The following LRTM1 variants were observed in gnomAD, a reference collection of about 807,000 sequenced individuals.
The protein encoded by LRTM1 is leucine-rich repeat and transmembrane domain-containing protein 1.
Under a neutral mutation model 32.4 loss-of-function variants are expected in LRTM1, and 38 were observed. The ratio of observed to expected loss-of-function variants is 1.17; its 90% confidence interval spans 0.91 to 1.54. The LOEUF (loss-of-function observed/expected upper bound fraction) is 1.54. Among genes scored for constraint, LRTM1 ranks in the 40% most tolerant of loss-of-function variants. LRTM1 has a pLI of 0.00. For missense variants in LRTM1, 466 were observed against 415.4 expected (o/e 1.12, Z -1.06); for synonymous variants, 186 against 169.9 (o/e 1.09, Z -0.74).
At chr3:54,943,126 C>T (rs545615463) in intron 1 of LRTM1, among the ~76,000 whole-genome samples, 1 of 151,728 alleles carries the variant, frequency 6.6e-6, no homozygotes, top group Admixed American at 6.6e-5. Context: ...CACTTGAACC[C>T]AGGAGTTCGA....
chr3:54,955,523 A>T (rs1477683094), intron 1 of LRTM1, among the ~76,000 whole-genome samples: 1 of 152,190 alleles, frequency 6.6e-6, no homozygotes, highest in South Asian at 2.1e-4. Flanking sequence ...CCCTCCCTGC[A>T]CTTAGGATAA....
At chr3:54,942,989 A>T (rs961010347) in intron 1 of LRTM1, among the ~76,000 whole-genome samples, 1 of 152,098 alleles carries the variant, frequency 6.6e-6, no homozygotes, top group Admixed American at 6.5e-5. Context: ...GTGCCACTGC[A>T]CTCCAGCCTG....
chr3:54,949,614 A>T (rs2107011111), intron 1 of LRTM1, among the ~76,000 whole-genome samples: 1 of 152,320 alleles, frequency 6.6e-6, no homozygotes, highest in Non-Finnish European at 1.5e-5. Context: ...CATTATCAAC[A>T]TTCTCAAGCG....
intron 1 of LRTM1, 33 bp downstream of exon 1, chr3:54,927,872 G>T (rs143055169): frequency 6.2e-7 from 1 of 1,612,788 alleles, no homozygotes; most frequent in Admixed American, 1.7e-5. Context: ...TCCCAGACAA[G>T]AACTTTTCCA....
intron 1 of LRTM1, among the ~76,000 whole-genome samples, chr3:54,933,389 G>A (rs1352092604): frequency 1.3e-5 from 2 of 152,104 alleles, no homozygotes; most frequent in Non-Finnish European, 2.9e-5. Context: ...TGTCATTCAG[G>A]GACCCAGGCT....
intron 1 of LRTM1, among the ~76,000 whole-genome samples, chr3:54,927,446 A>G (rs1701054514): frequency 2.6e-5 from 4 of 152,204 alleles, no homozygotes; most frequent in Non-Finnish European, 5.9e-5. Flanking sequence ...TAATGAACGG[A>G]CACCCCTCAT....
Position 54,934,857 on chromosome 3 carries a change from G to C in LRTM1, c.-221-9642C>G, listed in dbSNP as rs914770802. ...AGTGATTCTCATGCCTCAGCCTCCC[G>C]AGTAGCTGGGATTACAGGCACACAC... is the stretch of plus-strand genomic sequence containing the variant. On this transcript the variant is annotated intron_variant, in intron 1 of 2. Coordinates refer to the LRTM1 transcript ENST00000493075. 5.3e-4 allele frequency among the ~76,000 whole-genome samples: 80 copies of C among 152,094 alleles called. 1 individual carries two copies. Among genetic ancestry groups the C allele is most frequent in the Admixed American group, 7.2e-4 (11 of 15,276 alleles).
chr3:54,922,924 T>C (rs1465348061), intron 2 of LRTM1, among the ~76,000 whole-genome samples: 1 of 152,162 alleles, frequency 6.6e-6, no homozygotes, highest in Non-Finnish European at 1.5e-5. Flanking sequence ...ATTATGGTCT[T>C]CTCTTAGTCA....
intron 1 of LRTM1, among the ~76,000 whole-genome samples, chr3:54,941,482 T>C (rs948510756): frequency 1.3e-5 from 2 of 152,150 alleles, no homozygotes; most frequent in African/African-American, 4.8e-5. Flanking sequence ...TCTGTCGTTT[T>C]CCCCCTCCAT....
chr3:54,938,299 G>C lies in LRTM1; in HGVS notation c.-221-13084C>G, dbSNP rs1701379527. Among the ~76,000 whole-genome samples, 3 of 152,336 alleles carry C rather than the reference G, an allele frequency of 2.0e-5. No homozygotes were observed. In the East Asian group the frequency reaches 5.8e-4, roughly 29 times the overall value. ...CAGATGCAAACACTGCAGCAGACCAGAAGTGGCAAATGAGTGTTTACGTCC... is the reference window on the plus strand; with the variant it reads ...CAGATGCAAACACTGCAGCAGACCACAAGTGGCAAATGAGTGTTTACGTCC... On this transcript the variant is annotated intron_variant, in intron 1 of 2. Coordinates refer to the LRTM1 transcript ENST00000493075.
rs773639054 is a variant in LRTM1, at chr3:54,918,733, A to G, written c.764T>C (p.Leu255Pro). 1.2e-5 allele frequency: 20 copies of G among 1,614,036 alleles called. No individual in the cohort carries two copies. The highest frequency in any genetic ancestry group is 1.7e-5 in the Non-Finnish European group (20 of 1,180,034). Residue 255 changes from leucine (L) to proline (P), a missense_variant, in exon 3 of 3, where the codon CTG becomes CCG. By Grantham distance (98) the Leu-to-Pro change is moderately conservative (BLOSUM62 -3). Transcript: ENST00000273286. ...CGCGTTGTGGTTCTCAGGAGGCCTC[A>G]GGACCACACCGTGGGCAGAGCCGGG... ...QWPGSAHGVV[L>P]RPPENHNAGE...
intron 1 of LRTM1, among the ~76,000 whole-genome samples, chr3:54,955,983 G>A (rs1379052465): frequency 1.3e-5 from 2 of 152,138 alleles, no homozygotes; most frequent in African/African-American, 4.8e-5. Flanking sequence ...ATATTCTAAG[G>A]TCCTGAGATT....
chr3:54,918,549 G>A lies in LRTM1; in HGVS notation c.948C>T (p.Ile316=), dbSNP rs1236279705. 6.2e-7 allele frequency: 1 copy of A among 1,613,840 alleles called. No homozygotes were observed. Among genetic ancestry groups the A allele is most frequent in the African/African-American group, 1.3e-5 (1 of 74,862 alleles). ...AAIYGCTYAA[I]TAQYHGGPLA... ...AGGGTCCCCCATGGTACTGGGCTGT[G>A]ATTGCCGCATAGGTGCAGCCATAGA... The change falls in exon 3 of 3, where the codon ATC becomes ATT. Residue 316 remains isoleucine (I), a synonymous_variant. Transcript: ENST00000273286.
chr3:54,947,398 G>A (rs934191295), intron 1 of LRTM1, among the ~76,000 whole-genome samples: 1 of 152,306 alleles, frequency 6.6e-6, no homozygotes, highest in Admixed American at 6.5e-5. Context: ...TTGCTGAGCA[G>A]GGAGAAAGAA....
intron 1 of LRTM1, among the ~76,000 whole-genome samples, chr3:54,960,782 C>T (rs774064833): frequency 1.3e-5 from 2 of 152,156 alleles, no homozygotes; most frequent in Non-Finnish European, 2.9e-5. Context: ...GTCCAACATT[C>T]CATCATGCAA....
chr3:54,940,599 G>A (rs777542251), intron 1 of LRTM1, among the ~76,000 whole-genome samples: 2 of 152,030 alleles, frequency 1.3e-5, no homozygotes, highest in Non-Finnish European at 2.9e-5. Flanking sequence ...CTTGCTACAG[G>A]CTACTCCCAA....
chr3:54,936,280 G>C (rs1393811710), intron 1 of LRTM1, among the ~76,000 whole-genome samples: 1 of 152,074 alleles, frequency 6.6e-6, no homozygotes, highest in African/African-American at 2.4e-5. Flanking sequence ...AATCTGCTTG[G>C]TACAAAAACA....
intron 1 of LRTM1, among the ~76,000 whole-genome samples, chr3:54,925,951 T>C (rs1411520197): frequency 1.3e-5 from 2 of 152,250 alleles, no homozygotes; most frequent in Non-Finnish European, 2.9e-5. Context: ...TGGAAAAGCA[T>C]TAAGAATAGT....
chr3:54,961,704 A>ATGG lies in LRTM1; in HGVS notation c.-222+5223_-222+5224insCCA, dbSNP rs1369332274. ...TGATGGCACCAGTATCATGGACAGC[A>ATGG]GTCTTCTTGGGTTCTGTACCCTGAC... On this transcript the variant is annotated intron_variant, in intron 1 of 2. Transcript: ENST00000493075. Among the ~76,000 whole-genome samples the ATGG allele has an allele frequency of 2.0e-5, 3 of 152,186 alleles. No individual in the cohort carries two copies. The East Asian group carries it at 5.8e-4, about 29-fold the overall frequency.
Sources: allele counts gnomAD v4.1 joint callset (sites outside exome capture counted in the v4.1 genomes callset), GRCh38; gene constraint gnomAD v4.1.1; transcripts MANE v1.5; gene names NCBI Gene and HGNC (gene_info 2026-07-23, HGNC 2026-07-21).